Variants in NECAB1 observed in about 807,000 individuals in gnomAD.
NECAB1 encodes the protein N-terminal EF-hand calcium-binding protein 1.
In NECAB1, 29 loss-of-function variants were observed where a neutral mutation model predicts 57.5. That is an observed-to-expected ratio of 0.50 (90% CI 0.38 to 0.69). The LOEUF (loss-of-function observed/expected upper bound fraction) is 0.69. NECAB1 is among the 30% of genes least tolerant of loss of function. The probability of loss-of-function intolerance (pLI) is 0.00; values close to 1 mark genes in which losing one functional copy is unlikely to be tolerated. For synonymous variants in NECAB1, 142 were observed against 147.7 expected, an observed-to-expected ratio of 0.96 and a Z score of 0.28; for missense variants, 372 against 413.8, an observed-to-expected ratio of 0.90 and a Z score of 0.88.
intron 8 of NECAB1, among the ~76,000 whole-genome samples, chr8:90,932,191 T>C (rs1810428004): frequency 6.6e-6 from 1 of 152,196 alleles, no homozygotes; most frequent in Non-Finnish European, 1.5e-5. Context: ...ATTACTAGGC[T>C]ACAGTTTCTA....
chr8:90,846,293 C>A (rs980343851), intron 3 of NECAB1, among the ~76,000 whole-genome samples: 1 of 152,170 alleles, frequency 6.6e-6, no homozygotes, highest in African/African-American at 2.4e-5. Flanking sequence ...AACAAAATAG[C>A]TTTTGGTTTA....
intron 5 of NECAB1, among the ~76,000 whole-genome samples, chr8:90,916,435 TG>T (rs1487681944): frequency 6.6e-6 from 1 of 152,220 alleles, no homozygotes; most frequent in Non-Finnish European, 1.5e-5. Flanking sequence ...CTTACTTGTT[TG>T]GGTTTATAAC....
At chr8:90,953,935 GGTGCATACCT>G (rs983053155) in intron 12 of NECAB1, among the ~76,000 whole-genome samples, 3 of 151,954 alleles carry the variant, frequency 2.0e-5, no homozygotes, top group African/African-American at 4.8e-5. Flanking sequence ...CAGGCATGGT[GGTGCATACCT>G]GTAATCCCAG....
At chr8:90,906,193 T>A (rs1809641415) in intron 5 of NECAB1, among the ~76,000 whole-genome samples, 1 of 152,206 alleles carries the variant, frequency 6.6e-6, no homozygotes, top group Admixed American at 6.5e-5. Flanking sequence ...ATACTACCAA[T>A]ACAGAACTGA....
At chr8:90,932,338 G>C (rs947248177) in intron 8 of NECAB1, among the ~76,000 whole-genome samples, 3 of 152,140 alleles carry the variant, frequency 2.0e-5, no homozygotes, top group Admixed American at 2.0e-4. Flanking sequence ...TACCTACTGT[G>C]TGTCAGGTAC....
At chr8:90,797,239 A>T (rs1484337935) in intron 1 of NECAB1, among the ~76,000 whole-genome samples, 1 of 152,198 alleles carries the variant, frequency 6.6e-6, no homozygotes, top group Non-Finnish European at 1.5e-5. Context: ...TCCTGCAGTA[A>T]TTACATCAAT....
chr8:90,851,471 T>TA (rs1334456317), intron 3 of NECAB1, among the ~76,000 whole-genome samples: 1 of 152,158 alleles, frequency 6.6e-6, no homozygotes, highest in African/African-American at 2.4e-5. Context: ...TTAAGGATCA[T>TA]AATTGAATTG....
At chr8:90,860,384 A>C in intron 3 of NECAB1, among the ~76,000 whole-genome samples, 1 of 152,092 alleles carries the variant, frequency 6.6e-6, no homozygotes, top group Admixed American at 6.6e-5. Context: ...AGCTCTAAAA[A>C]TGATGCCAAT....
chr8:90,852,127 G>A (rs539057519), intron 3 of NECAB1, among the ~76,000 whole-genome samples: 3 of 152,218 alleles, frequency 2.0e-5, no homozygotes, highest in African/African-American at 7.2e-5. Flanking sequence ...TCGATATGCT[G>A]CATGCTCACT....
chr8:90,802,631 T>C (rs1046268386), intron 2 of NECAB1, among the ~76,000 whole-genome samples: 6 of 152,210 alleles, frequency 3.9e-5, no homozygotes, highest in Non-Finnish European at 5.9e-5. Context: ...AAGACATATG[T>C]TGTGGTCTAT....
At chr8:90,910,221 TATC>T (rs201091857) in intron 5 of NECAB1, among the ~76,000 whole-genome samples, 42,686 of 151,822 alleles carry the variant, frequency 0.28, 6,733 homozygotes, top group East Asian at 0.6. Flanking sequence ...TTTTTCTTAA[TATC>T]TTCTAGCTTA....
At chr8:90,795,740 A>G (rs1450326227) in intron 1 of NECAB1, among the ~76,000 whole-genome samples, 1 of 149,462 alleles carries the variant, frequency 6.7e-6, no homozygotes, top group Non-Finnish European at 1.5e-5. Context: ...ACACACACAC[A>G]CTTGCTCATT....
chr8:90,834,372 T>A (rs946106884), intron 3 of NECAB1, among the ~76,000 whole-genome samples: 1 of 152,110 alleles, frequency 6.6e-6, no homozygotes, highest in African/African-American at 2.4e-5. Flanking sequence ...GTGATAGTAT[T>A]AAAAGAGAGG....
intron 5 of NECAB1, among the ~76,000 whole-genome samples, chr8:90,894,666 T>C (rs887316798): frequency 6.6e-6 from 1 of 152,230 alleles, no homozygotes; most frequent in Non-Finnish European, 1.5e-5. Flanking sequence ...TTTCATACTT[T>C]GTTATTGGAA....
At chr8:90,936,053 T>TTG (rs772747684) in intron 9 of NECAB1, among the ~76,000 whole-genome samples, 14 of 152,178 alleles carry the variant, frequency 9.2e-5, no homozygotes, top group Non-Finnish European at 2.1e-4. Flanking sequence ...TCATTAAAAG[T>TTG]TGTTTTTTTA....
At position 90,794,204 on chromosome 8, in the gene NECAB1, G is replaced by A. The variant is rs143435764; in HGVS notation, c.99+2219G>A. Among the ~76,000 whole-genome samples the A allele has an allele frequency of 3.3e-5, 5 of 152,236 alleles. No individual in the cohort carries two copies. In the East Asian group the frequency reaches 9.6e-4, roughly 29 times the overall value. Reference sequence around the variant, plus strand: ...GAAAAATCTAACACTGGTGAAATATGTGATATGAAAAATGATTTGTTACTT... The same window carrying A: ...GAAAAATCTAACACTGGTGAAATATATGATATGAAAAATGATTTGTTACTT... On this transcript the variant is annotated intron_variant, in intron 1 of 12. Coordinates refer to ENST00000417640, the MANE Select transcript of NECAB1 (RefSeq NM_022351.5).
chr8:90,904,913 C>T (rs1175712615), intron 5 of NECAB1, among the ~76,000 whole-genome samples: 1 of 151,980 alleles, frequency 6.6e-6, no homozygotes, highest in Non-Finnish European at 1.5e-5. Flanking sequence ...AATTCTGAAT[C>T]CATACACAAA....
At chr8:90,851,757 A>C (rs1016227013) in intron 3 of NECAB1, among the ~76,000 whole-genome samples, 2 of 152,152 alleles carry the variant, frequency 1.3e-5, no homozygotes, top group Non-Finnish European at 2.9e-5. Context: ...GTCACAACTG[A>C]TGAACTTACA....
chr8:90,859,717 C>A (rs377559880), intron 3 of NECAB1, among the ~76,000 whole-genome samples: 1 of 152,064 alleles, frequency 6.6e-6, no homozygotes, highest in African/African-American at 2.4e-5. Flanking sequence ...TCCAAAAAAT[C>A]GTAAACATTA....
Sources: allele counts gnomAD v4.1 joint callset (sites outside exome capture counted in the v4.1 genomes callset), GRCh38; gene constraint gnomAD v4.1.1; transcripts MANE v1.5; gene names NCBI Gene and HGNC (gene_info 2026-07-23, HGNC 2026-07-21).